PKIB: variants seen among roughly 807,000 people sequenced by gnomAD.
The protein encoded by PKIB is cAMP-dependent protein kinase inhibitor beta, also known as PKI-beta.
In PKIB, 2 loss-of-function variants were observed where a neutral mutation model predicts 4.5. That is an observed-to-expected ratio of 0.44 (90% CI 0.18 to 1.39). PKIB has a LOEUF of 1.39. Ranked by LOEUF, PKIB falls within the 40% of genes most tolerant of loss-of-function variation. The pLI, the probability that PKIB is intolerant of heterozygous loss-of-function variation, is 0.27. For synonymous variants in PKIB, 38 were observed against 36.0 expected, an observed-to-expected ratio of 1.06 and a Z score of -0.20; for missense variants, 94 against 92.6, an observed-to-expected ratio of 1.02 and a Z score of -0.06.
intron 2 of PKIB, among the ~76,000 whole-genome samples, chr6:122,642,845 G>A (rs1776173124): frequency 6.6e-6 from 1 of 152,104 alleles, no homozygotes; most frequent in Non-Finnish European, 1.5e-5. Flanking sequence ...CTTGGTCTCA[G>A]GTATTCTTCA....
chr6:122,603,158 T>C (rs1193803821), intron 3 of PKIB, among the ~76,000 whole-genome samples: 1 of 152,178 alleles, frequency 6.6e-6, no homozygotes, highest in Non-Finnish European at 1.5e-5. Context: ...TAAAAAGACC[T>C]AATTCATTTT....
chr6:122,662,007 G>A (rs1777009206), intron 2 of PKIB, among the ~76,000 whole-genome samples: 5 of 152,086 alleles, frequency 3.3e-5, no homozygotes. Flanking sequence ...TTGTAGAAAT[G>A]TCTATTCATG....
chr6:122,632,543 T>A (rs982060710), intron 1 of PKIB, among the ~76,000 whole-genome samples: 24 of 152,206 alleles, frequency 1.6e-4, no homozygotes, highest in African/African-American at 5.5e-4. Flanking sequence ...TTAAAGCTAA[T>A]AACTAGTTTT....
At chr6:122,689,807 G>A (rs1778247360) in intron 3 of PKIB, among the ~76,000 whole-genome samples, 1 of 152,118 alleles carries the variant, frequency 6.6e-6, no homozygotes. Flanking sequence ...ATGTTTCTTT[G>A]TTGATTTTCT....
At chr6:122,569,288 C>A (rs1407411164) in intron 2 of PKIB, among the ~76,000 whole-genome samples, 1 of 152,218 alleles carries the variant, frequency 6.6e-6, no homozygotes, top group African/African-American at 2.4e-5. Context: ...TTAGGGCAAA[C>A]TCAAATCCTG....
intron 3 of PKIB, among the ~76,000 whole-genome samples, chr6:122,588,850 G>T (rs1773931167): frequency 6.6e-6 from 1 of 152,240 alleles, no homozygotes; most frequent in South Asian, 2.1e-4. Context: ...TGAAGACAAA[G>T]AAACAGAAAC....
chr6:122,714,078 G>T (rs1184258752), intron 3 of PKIB, among the ~76,000 whole-genome samples: 3 of 152,112 alleles, frequency 2.0e-5, no homozygotes, highest in African/African-American at 7.2e-5. Context: ...CTTTGCTTTG[G>T]AGTTTAAAGA....
At chr6:122,706,015 G>A (rs1326056456) in intron 3 of PKIB, among the ~76,000 whole-genome samples, 1 of 151,964 alleles carries the variant, frequency 6.6e-6, no homozygotes, top group Non-Finnish European at 1.5e-5. Context: ...CCAACTCCAC[G>A]TGGGCATAAC....
At chr6:122,613,846 C>G (rs1407243672) in intron 1 of PKIB, among the ~76,000 whole-genome samples, 1 of 150,834 alleles carries the variant, frequency 6.6e-6, no homozygotes, top group Non-Finnish European at 1.5e-5. Flanking sequence ...ACCTGTAGTC[C>G]CAGCTATTTG....
At chr6:122,476,142 C>G (rs898503748) in intron 1 of PKIB, among the ~76,000 whole-genome samples, 2 of 152,086 alleles carry the variant, frequency 1.3e-5, no homozygotes, top group Admixed American at 6.6e-5. Context: ...TTGGCCCCCC[C>G]ACAGTAGTTA....
chr6:122,601,452 G>A (rs1464867133), intron 3 of PKIB, among the ~76,000 whole-genome samples: 1 of 152,090 alleles, frequency 6.6e-6, no homozygotes, highest in African/African-American at 2.4e-5. Context: ...CTAGAATTCT[G>A]TATCAATATC....
At chr6:122,688,955 T>G (rs13208837) in intron 3 of PKIB, among the ~76,000 whole-genome samples, 1 of 151,826 alleles carries the variant, frequency 6.6e-6, no homozygotes, top group Admixed American at 6.6e-5. Flanking sequence ...TAATTTTTTT[T>G]TATTTTTAGT....
At chr6:122,545,353 C>A (rs1448487328) in intron 2 of PKIB, among the ~76,000 whole-genome samples, 1 of 152,030 alleles carries the variant, frequency 6.6e-6, no homozygotes, top group East Asian at 1.9e-4. Flanking sequence ...ATGGATGGAG[C>A]TGGAGGCCAT....
At chr6:122,642,188 A>C (rs773944343) in intron 2 of PKIB, among the ~76,000 whole-genome samples, 9 of 152,198 alleles carry the variant, frequency 5.9e-5, no homozygotes, top group Non-Finnish European at 8.8e-5. Flanking sequence ...AGCTCTTTGA[A>C]CCTCTTTCAG....
upstream of PKIB, among the ~76,000 whole-genome samples, chr6:122,609,762 C>T (rs1471495617): frequency 6.6e-6 from 1 of 152,158 alleles, no homozygotes; most frequent in East Asian, 1.9e-4. Flanking sequence ...TTAGTAGTAA[C>T]GACTTTATTT....
intron 2 of PKIB, among the ~76,000 whole-genome samples, chr6:122,543,996 T>A (rs1772403172): frequency 6.6e-6 from 1 of 152,008 alleles, no homozygotes; most frequent in Non-Finnish European, 1.5e-5. Context: ...TTCTTTTTGT[T>A]TCTGTTAAAA....
intron 2 of PKIB, among the ~76,000 whole-genome samples, chr6:122,531,806 ATT>A (rs1435350639): frequency 1.3e-5 from 2 of 152,218 alleles, no homozygotes; most frequent in Admixed American, 6.5e-5. Context: ...AAGGCTGGGA[ATT>A]TATACCGTTA....
At chr6:122,634,807 T>C (rs1039569281) in intron 2 of PKIB, among the ~76,000 whole-genome samples, 4 of 152,122 alleles carry the variant, frequency 2.6e-5, no homozygotes, top group Non-Finnish European at 5.9e-5. Flanking sequence ...CCGGGTGTGA[T>C]GGCGGGCGCC....
At chr6:122,719,956 A>G (rs1779670594) in intron 4 of PKIB, among the ~76,000 whole-genome samples, 1 of 152,200 alleles carries the variant, frequency 6.6e-6, no homozygotes, top group African/African-American at 2.4e-5. Flanking sequence ...CATAGATAAT[A>G]TTTTATTAAC....
Sources: gnomAD v4.1 joint callset for allele counts (sites outside exome capture counted in the v4.1 genomes callset) on GRCh38, gnomAD v4.1.1 for gene constraint, MANE v1.5 for transcripts, NCBI Gene and HGNC (gene_info 2026-07-23, HGNC 2026-07-21) for gene names.